Variants in DNAAF4 observed in about 807,000 individuals in gnomAD.
DNAAF4 encodes dynein assembly factor 4, axonemal.
Under a neutral mutation model 51.8 loss-of-function variants are expected in DNAAF4, and 43 were observed. The observed-to-expected ratio is 0.83, with a 90% CI of 0.65 to 1.07. The LOEUF (loss-of-function observed/expected upper bound fraction) is 1.07, where lower values mean the gene tolerates loss of function less well. Ranked by LOEUF, DNAAF4 falls within the 50% of genes least tolerant of loss-of-function variation. The pLI, the probability that DNAAF4 is intolerant of heterozygous loss-of-function variation, is 0.00. For synonymous variants in DNAAF4, 194 were observed against 165.6 expected (o/e 1.17, Z -1.32); for missense variants, 581 against 493.0 (o/e 1.18, Z -1.69).
intron 4 of DNAAF4, among the ~76,000 whole-genome samples, chr15:55,477,898 T>C (rs1179355376): frequency 7.8e-6 from 1 of 128,292 alleles, no homozygotes; most frequent in African/African-American, 2.8e-5. Context: ...AAAACCTGTC[T>C]CTACTGAAAA....
chr15:55,450,823 C>T (rs2057920585), intron 5 of DNAAF4, among the ~76,000 whole-genome samples: 2 of 152,170 alleles, frequency 1.3e-5, no homozygotes, highest in African/African-American at 2.4e-5. Flanking sequence ...CAAGGACGGG[C>T]GCAGTGGCTC....
At position 55,479,831 on chromosome 15, in the gene DNAAF4, T is replaced by C. The variant is rs971304908; in HGVS notation, c.405+11292A>G. On this transcript the variant is annotated intron_variant, in intron 4 of 9. Transcript: ENST00000321149. ...TCTCCTGCAGAACCCTCAGGCTTAC[T>C]AGGGTGGGGGAAAAACTCCACCCTC... is the stretch of plus-strand genomic sequence containing the variant. Among the ~76,000 whole-genome samples, 30 of 152,260 alleles carry C rather than the reference T, an allele frequency of 2.0e-4. 1 individual carries two copies. The highest frequency in any genetic ancestry group is 1.5e-3 in the South Asian group (7 of 4,824).
At chr15:55,478,050 TG>T (rs1483005334) in intron 4 of DNAAF4, among the ~76,000 whole-genome samples, 1 of 152,194 alleles carries the variant, frequency 6.6e-6, no homozygotes, top group Non-Finnish European at 1.5e-5. Flanking sequence ...AGATGAAGAC[TG>T]AAGGGGCCCA....
chr15:55,494,748 C>G (rs1211577026), intron 3 of DNAAF4, among the ~76,000 whole-genome samples: 1 of 152,102 alleles, frequency 6.6e-6, no homozygotes, highest in African/African-American at 2.4e-5. Context: ...TTGTCTAAAT[C>G]AGAGGTTGGC....
intron 4 of DNAAF4, among the ~76,000 whole-genome samples, chr15:55,477,535 T>G (rs1217600488): frequency 1.3e-5 from 2 of 152,094 alleles, no homozygotes; most frequent in African/African-American, 4.8e-5. Flanking sequence ...TTACTGGAAC[T>G]GAGTCAGTAT....
chr15:55,496,530 T>A (rs2058643381), intron 3 of DNAAF4, among the ~76,000 whole-genome samples: 1 of 152,094 alleles, frequency 6.6e-6, no homozygotes, highest in Admixed American at 6.6e-5. Flanking sequence ...AGGGTAATAA[T>A]ACCTAAGTGA....
intron 4 of DNAAF4, among the ~76,000 whole-genome samples, chr15:55,490,165 G>A (rs960218609): frequency 3.9e-5 from 6 of 152,022 alleles, no homozygotes; most frequent in Non-Finnish European, 5.9e-5. Flanking sequence ...GAGCCACTGC[G>A]CTTGGCCTGA....
intron 5 of DNAAF4, among the ~76,000 whole-genome samples, chr15:55,458,161 C>A (rs1216705584): frequency 6.6e-6 from 1 of 152,158 alleles, no homozygotes; most frequent in African/African-American, 2.4e-5. Flanking sequence ...CATACTAGCT[C>A]TCCAGCAATG....
chr15:55,465,522 G>A (rs2058158186), intron 5 of DNAAF4, among the ~76,000 whole-genome samples: 1 of 150,238 alleles, frequency 6.7e-6, no homozygotes, highest in African/African-American at 2.4e-5. Context: ...TATGCTACAT[G>A]AAGTAACTCA....
At position 55,455,554 on chromosome 15, in the gene DNAAF4, C is replaced by A. The variant is rs551066740; in HGVS notation, c.638-5187G>T. ...TCAAGTGATTCTCCTGCCTCAGCCT[C>A]CTGAGTAACTGGGACTACAGGCGCA... On this transcript the variant is annotated intron_variant, in intron 5 of 9. Transcript: ENST00000321149. 1.6e-3 allele frequency among the ~76,000 whole-genome samples: 247 copies of A among 152,024 alleles called. 1 individual carries two copies. The highest frequency in any genetic ancestry group is 5.9e-3 in the African/African-American group (243 of 41,450).
At chr15:55,432,239 C>G (rs1042592464) in intron 9 of DNAAF4, among the ~76,000 whole-genome samples, 1 of 152,194 alleles carries the variant, frequency 6.6e-6, no homozygotes. Context: ...GCATGAGCAT[C>G]TGCACCCAGC....
rs148152687 is a variant in DNAAF4 at position 55,430,692 on chromosome 15, T to G, written c.1241A>C (p.Gln414Pro). The change falls in exon 10 of 10, where the codon CAA (glutamine) becomes CCA (proline). Residue 414 changes from glutamine (Q) to proline (P), a missense_variant. By Grantham distance (76) the Gln-to-Pro change is moderately conservative. Transcript: ENST00000321149. ...TCATTAAGATTTTAGTTCTGTTCCT[T>G]GAATTACATTCCGAATCTTCTCAGC... ...IDAEKIRNVI[Q>P]GTELKS is the part of the protein sequence containing the mutation. 7.1e-5 allele frequency: 115 copies of G among 1,612,872 alleles called. 1 individual carries two copies. Among genetic ancestry groups the G allele is most frequent in the Middle Eastern group, 1.7e-4 (1 of 6,046 alleles).
At chr15:55,499,884 C>T (rs1322510289) in intron 1 of DNAAF4, among the ~76,000 whole-genome samples, 1 of 152,188 alleles carries the variant, frequency 6.6e-6, no homozygotes, top group Non-Finnish European at 1.5e-5. Flanking sequence ...AGCAGACCAT[C>T]ATTAAAATCC....
chr15:55,452,244 T>TAAAAAAAAAAAAAAAAAAA (rs57692277), intron 5 of DNAAF4, among the ~76,000 whole-genome samples: 4 of 53,592 alleles, frequency 7.5e-5, no homozygotes, highest in African/African-American at 1.6e-4. Context: ...CATGTCTCAC[T>TAAAAAAAAAAAAAAAAAAA]AAAAAAAAAA....
At chr15:55,473,403 A>T in intron 4 of DNAAF4, among the ~76,000 whole-genome samples, 1 of 148,580 alleles carries the variant, frequency 6.7e-6, no homozygotes, top group African/African-American at 2.5e-5. Context: ...AACCTAGAAA[A>T]ATATTAAAAT....
chr15:55,489,293 G>A (rs2058536619), intron 4 of DNAAF4, among the ~76,000 whole-genome samples: 2 of 148,728 alleles, frequency 1.3e-5, no homozygotes, highest in Admixed American at 1.3e-4. Context: ...GCCAACAGCT[G>A]TGATCATACA....
intron 4 of DNAAF4, among the ~76,000 whole-genome samples, chr15:55,471,968 T>C (rs1474102067): frequency 6.6e-6 from 1 of 152,162 alleles, no homozygotes; most frequent in Non-Finnish European, 1.5e-5. Flanking sequence ...GCCTCCTGAG[T>C]AGCTGGGATT....
At chr15:55,469,412 C>T (rs771588949) in intron 4 of DNAAF4, among the ~76,000 whole-genome samples, 1 of 150,238 alleles carries the variant, frequency 6.7e-6, no homozygotes, top group African/African-American at 2.4e-5. Context: ...TATATACTCT[C>T]ACAACACTCC....
chr15:55,486,557 C>G (rs948678310), intron 4 of DNAAF4, among the ~76,000 whole-genome samples: 1 of 152,030 alleles, frequency 6.6e-6, no homozygotes, highest in African/African-American at 2.4e-5. Flanking sequence ...TAAGAATTTT[C>G]CAGATCCTTA....
Sources: allele counts gnomAD v4.1 joint callset (sites outside exome capture counted in the v4.1 genomes callset), GRCh38; gene constraint gnomAD v4.1.1; transcripts MANE v1.5; gene names NCBI Gene and HGNC (gene_info 2026-07-23, HGNC 2026-07-21).